Variants in RNF144A observed in about 807,000 individuals in gnomAD.
RNF144A encodes the protein ring finger protein 144A, also known as E3 ubiquitin-protein ligase RNF144A.
In RNF144A, 11 loss-of-function variants were observed where a neutral mutation model predicts 38.7. The ratio of observed to expected loss-of-function variants is 0.28; its 90% CI spans 0.18 to 0.47. The LOEUF is 0.47. RNF144A is among the 20% of genes least tolerant of loss of function. The pLI is 0.99. For missense variants in RNF144A, 316 were observed against 377.2 expected (o/e 0.84, Z 1.34); for synonymous variants, 149 against 143.9 (o/e 1.04, Z -0.25).
chr2:7,031,200 C>G (rs914087296), intron 8 of RNF144A, among the ~76,000 whole-genome samples: 16 of 152,096 alleles, frequency 1.1e-4, no homozygotes, highest in African/African-American at 3.9e-4. Flanking sequence ...GGTGTTAATG[C>G]CTGTGCAGTC....
At chr2:7,062,616 A>T (rs2103480297) in intron 6 of RNF144A, 1 of 152,300 alleles carries the variant, frequency 6.6e-6, no homozygotes, top group East Asian at 1.9e-4. Context: ...GGTAAAATAA[A>T]TTGATAATAG....
chr2:7,063,986 C>A (rs556576954), intron 6 of RNF144A, among the ~76,000 whole-genome samples: 1 of 152,054 alleles, frequency 6.6e-6, no homozygotes, highest in Non-Finnish European at 1.5e-5. Context: ...TTGAGGGTAC[C>A]CATGGTGGAA....
At chr2:6,968,998 T>G (rs746437004) in intron 2 of RNF144A, among the ~76,000 whole-genome samples, 1 of 152,190 alleles carries the variant, frequency 6.6e-6, no homozygotes, top group Non-Finnish European at 1.5e-5. Flanking sequence ...TGCACCCTGG[T>G]ATACCGCCTC....
At position 7,040,267 on chromosome 2, in the gene RNF144A, G is replaced by T; in HGVS notation, c.*507G>T. Reference sequence around the variant, plus strand: ...TTTAGAAGGTATTTTTTTTCCAACTGAGTAGTGAAAATCAACAAGGTGCAT... The same window carrying T: ...TTTAGAAGGTATTTTTTTTCCAACTTAGTAGTGAAAATCAACAAGGTGCAT... On this transcript the variant is annotated 3_prime_UTR_variant, in exon 9 of 9. Coordinates refer to ENST00000320892, the MANE Select transcript of RNF144A (RefSeq NM_014746.6). 1 of 985,578 alleles carries T rather than the reference G, an allele frequency of 1.0e-6. No homozygotes were observed. The highest frequency in any genetic ancestry group is 4.7e-5 in the South Asian group (1 of 21,296). 61.1% of individuals were successfully genotyped at this position (985,578 alleles called of 1,614,324 possible). A position where few individuals can be genotyped will look rare whatever the true frequency, so the allele number is the denominator to read the frequency against.
chr2:7,036,543 C>T (rs558418732), intron 8 of RNF144A, among the ~76,000 whole-genome samples: 35 of 152,294 alleles, frequency 2.3e-4, no homozygotes, highest in Admixed American at 2.0e-3. Context: ...GAAATAGGCA[C>T]GATCTATCTC....
In RNF144A at chr2:7,044,051, T is replaced by C; in HGVS notation, c.*4291T>C. ...TTGTGTTTTGTACTCTGGAATCATA[T>C]GGAAAAAGTTTGATTTGTAATTTCA... On this transcript the variant is annotated 3_prime_UTR_variant, in exon 9 of 9. Coordinates refer to ENST00000320892, the MANE Select transcript of RNF144A (RefSeq NM_014746.6). The C allele has an allele frequency of 1.0e-6, 1 of 985,832 alleles. No homozygotes were observed. The highest frequency in any genetic ancestry group is 1.2e-6 in the Non-Finnish European group (1 of 829,890). 61.1% of individuals were successfully genotyped at this position (985,832 alleles called of 1,614,324 possible).
chr2:6,920,975 A>G (rs1664504072), intron 1 of RNF144A, among the ~76,000 whole-genome samples: 1 of 152,246 alleles, frequency 6.6e-6, no homozygotes, highest in African/African-American at 2.4e-5. Flanking sequence ...ATATTTTCCA[A>G]GATCCAGAAA....
chr2:6,942,124 A>G (rs547586985), intron 2 of RNF144A, among the ~76,000 whole-genome samples: 4 of 152,346 alleles, frequency 2.6e-5, no homozygotes, highest in Admixed American at 6.5e-5. Flanking sequence ...TGCAGATGGC[A>G]GAGGACAAGG....
chr2:7,032,671 CA>C (rs2103449952), intron 8 of RNF144A, among the ~76,000 whole-genome samples: 1 of 152,358 alleles, frequency 6.6e-6, no homozygotes, highest in South Asian at 2.1e-4. Context: ...CATCATTGTC[CA>C]AATCCCCCCT....
rs1421281730 is a variant in RNF144A, at chr2:7,019,557, G to GA, written c.302-914dup. On this transcript the variant is annotated intron_variant, in intron 5 of 8. Transcript: ENST00000320892. ...AAACTTAGAAACCAGTGGCCTACCA[G>GA]AACGCCTTTGGAAATAGCCCACATT... 5.3e-5 allele frequency among the ~76,000 whole-genome samples: 8 copies of GA among 152,322 alleles called. No homozygotes were observed. The East Asian group carries it at 1.5e-3, about 29-fold the overall frequency.
intron 2 of RNF144A, among the ~76,000 whole-genome samples, chr2:6,972,656 A>G (rs917501095): frequency 6.6e-6 from 1 of 152,188 alleles, no homozygotes; most frequent in African/African-American, 2.4e-5. Context: ...TCGCAGGACC[A>G]TAGCTAACAA....
At chr2:7,026,123 A>G (rs1671876776) in intron 7 of RNF144A, among the ~76,000 whole-genome samples, 1 of 152,240 alleles carries the variant, frequency 6.6e-6, no homozygotes, top group Admixed American at 6.5e-5. Context: ...AGATTTGTCT[A>G]GAAGAAAATG....
intron 2 of RNF144A, among the ~76,000 whole-genome samples, chr2:6,969,623 A>G (rs1667874322): frequency 6.6e-6 from 1 of 152,234 alleles, no homozygotes; most frequent in Admixed American, 6.5e-5. Flanking sequence ...AAAAATTCCA[A>G]AATCTGAAAT....
At chr2:7,036,292 G>A (rs189173153) in intron 8 of RNF144A, among the ~76,000 whole-genome samples, 3 of 152,356 alleles carry the variant, frequency 2.0e-5, no homozygotes, top group African/African-American at 7.2e-5. Flanking sequence ...CTTCTGAGAA[G>A]TGAAAGGAAA....
intron 3 of RNF144A, among the ~76,000 whole-genome samples, chr2:7,008,536 C>T (rs1670598056): frequency 6.6e-6 from 1 of 152,198 alleles, no homozygotes; most frequent in Non-Finnish European, 1.5e-5. Context: ...CCACTGCCTG[C>T]AGGAGTGAGC....
intron 2 of RNF144A, among the ~76,000 whole-genome samples, chr2:6,993,409 A>G (rs1208706571): frequency 2.0e-5 from 3 of 152,206 alleles, no homozygotes; most frequent in Non-Finnish European, 4.4e-5. Context: ...GGAACCCTGT[A>G]CGCTGTGCCA....
At chr2:7,006,754 TAGAC>T (rs150312820) in intron 3 of RNF144A, among the ~76,000 whole-genome samples, 8,190 of 152,146 alleles carry the variant, frequency 0.054, 257 homozygotes, top group Middle Eastern at 0.079. Flanking sequence ...TTCTCTGAAA[TAGAC>T]ACTCAGTCTA....
intron 2 of RNF144A, among the ~76,000 whole-genome samples, chr2:6,948,053 T>C (rs1309923816): frequency 6.6e-6 from 1 of 152,114 alleles, no homozygotes; most frequent in East Asian, 1.9e-4. Flanking sequence ...GGGAAGGAGG[T>C]CAGTGTGTAT....
intron 2 of RNF144A, among the ~76,000 whole-genome samples, chr2:6,964,295 G>A (rs943713371): frequency 1.3e-5 from 2 of 152,166 alleles, no homozygotes; most frequent in Non-Finnish European, 2.9e-5. Context: ...AGTTAGAATG[G>A]CAATCATTAA....
Sources: gnomAD v4.1 joint callset for allele counts (sites outside exome capture counted in the v4.1 genomes callset) on GRCh38, gnomAD v4.1.1 for gene constraint, MANE v1.5 for transcripts, NCBI Gene and HGNC (gene_info 2026-07-23, HGNC 2026-07-21) for gene names.